NUP98: variants seen among roughly 807,000 people sequenced by gnomAD.
NUP98 encodes the protein nuclear pore complex protein Nup98-Nup96.
Under a neutral mutation model 191.9 loss-of-function variants are expected in NUP98, and 26 were observed. The observed-to-expected ratio is 0.14, with a 90% CI of 0.10 to 0.19. NUP98 has a LOEUF of 0.19. NUP98 is among the 10% of genes least tolerant of loss of function. NUP98 has a pLI of 1.00. For missense variants in NUP98, 1,941 were observed against 2,178.8 expected, an observed-to-expected ratio of 0.89 and a Z score of 2.17; for synonymous variants, 808 against 778.4, an observed-to-expected ratio of 1.04 and a Z score of -0.63.
intron 18 of NUP98, among the ~76,000 whole-genome samples, chr11:3,716,803 GATT>G: frequency 6.6e-6 from 1 of 152,124 alleles, no homozygotes; most frequent in East Asian, 1.9e-4. Flanking sequence ...ATACTGTTTT[GATT>G]ATTATAGATT....
At chr11:3,785,959 C>G (rs1046963811) in intron 1 of NUP98, among the ~76,000 whole-genome samples, 30 of 151,936 alleles carry the variant, frequency 2.0e-4, no homozygotes, top group African/African-American at 7.0e-4. Context: ...CTGGCCCAAG[C>G]TGAAACCCCC....
intron 18 of NUP98, among the ~76,000 whole-genome samples, chr11:3,714,344 C>G: frequency 6.6e-6 from 1 of 151,996 alleles, no homozygotes. Context: ...AAAGGGCTAC[C>G]GTACTAAATA....
rs775126078 is a variant in NUP98, at chr11:3,760,543, G to A, written c.1170C>T (p.Leu390=). Residue 390 remains leucine (L), a synonymous_variant, in exon 10 of 33, where the codon CTC becomes CTT. Coordinates refer to ENST00000324932, the MANE Select transcript of NUP98 (RefSeq NM_016320.5). ...APSFGTTSGG[L]FGFGTNTSGN... is the part of the protein sequence containing the mutation. ...AAGTCAGGGTTGGTTTGTTACCAAAGAGCCCGCCACTGGTTGTACCAAATG... is the reference window on the plus strand; with the variant it reads ...AAGTCAGGGTTGGTTTGTTACCAAAAAGCCCGCCACTGGTTGTACCAAATG... 38 of 1,613,974 alleles carry A rather than the reference G, an allele frequency of 2.4e-5. No homozygotes were observed. Among genetic ancestry groups the A allele is most frequent in the Non-Finnish European group, 3.1e-5 (37 of 1,179,970 alleles).
chr11:3,737,321 C>CAAAAAAAAAA (rs34718372), intron 12 of NUP98, among the ~76,000 whole-genome samples: 1 of 111,960 alleles, frequency 8.9e-6, no homozygotes, highest in Admixed American at 1.1e-4. Context: ...GCAGTAATAA[C>CAAAAAAAAAA]AAAAAAAAAA....
At chr11:3,703,216 C>CTTTTT (rs1310254994) in intron 22 of NUP98, among the ~76,000 whole-genome samples, 1 of 139,152 alleles carries the variant, frequency 7.2e-6, no homozygotes, top group Non-Finnish European at 1.6e-5. Context: ...TCTTCAAAAA[C>CTTTTT]TTTTTTTTTT....
Position 3,782,060 on chromosome 11 carries a change from T to G in NUP98, c.58A>C (p.Thr20Pro), listed in dbSNP as rs775145141. The G allele has an allele frequency of 6.2e-7, 1 of 1,612,816 alleles. No homozygotes were observed. The highest frequency in any genetic ancestry group is 1.1e-5 in the South Asian group (1 of 90,902). Residue 20 changes from threonine (T) to proline (P), a missense_variant, in exon 2 of 33, where the codon ACT (threonine) becomes CCT (proline). Transcript: ENST00000324932. ...FGGGTGGFGT[T>P]STFGQNTGFG... ...AACTTACTCTGTCCAAATGTTGAAGTTGTGCCAAAGCCACCTGTGCCACCC... is the reference window on the plus strand; with the variant it reads ...AACTTACTCTGTCCAAATGTTGAAGGTGTGCCAAAGCCACCTGTGCCACCC...
chr11:3,748,045 A>T (rs2080574656), intron 11 of NUP98, among the ~76,000 whole-genome samples: 1 of 152,236 alleles, frequency 6.6e-6, no homozygotes, highest in African/African-American at 2.4e-5. Flanking sequence ...TAGGAGAGGC[A>T]TGTATAAGGA....
At chr11:3,702,307 ACACACACTCTCTCTCTCT>A (rs1195021038) in intron 23 of NUP98, among the ~76,000 whole-genome samples, 138 bp downstream of exon 23, 33 of 57,886 alleles carry the variant, frequency 5.7e-4, no homozygotes, top group African/African-American at 2.0e-3. Context: ...ACACACACAC[ACACACACTCTCTCTCTCT>A]CTCTCTCTCT....
At chr11:3,749,942 C>T (rs140078814) in intron 11 of NUP98, among the ~76,000 whole-genome samples, 5 of 152,140 alleles carry the variant, frequency 3.3e-5, no homozygotes, top group Non-Finnish European at 5.9e-5. Context: ...CTGAAATATG[C>T]GTATATTCCA....
intron 15 of NUP98, 100 bp from the exon 16 acceptor site, chr11:3,723,555 C>A: frequency 1.1e-6 from 1 of 904,518 alleles, no homozygotes; most frequent in Non-Finnish European, 1.7e-6. Flanking sequence ...TGGCACTGTT[C>A]TGGATAGTTC....
rs74462415 is a variant in NUP98 at position 3,727,590 on chromosome 11, T to C, written c.1731-2371A>G. Among the ~76,000 whole-genome samples, 1,476 of 152,192 alleles carry C rather than the reference T, an allele frequency of 9.7e-3. 31 individuals carry two copies. Among genetic ancestry groups the C allele is most frequent in the African/African-American group, 0.034 (1,431 of 41,524 alleles). On this transcript the variant is annotated intron_variant, in intron 14 of 32. Coordinates refer to ENST00000324932, the MANE Select transcript of NUP98 (RefSeq NM_016320.5). ...AAAGAGAGAGTAAATAAAGGTGGCATGGTGGGTTTCGCTGTAATTTCAGCA... is the reference window on the plus strand; with the variant it reads ...AAAGAGAGAGTAAATAAAGGTGGCACGGTGGGTTTCGCTGTAATTTCAGCA...
chr11:3,688,570 G>GGCCTC (rs2078200645), intron 28 of NUP98, among the ~76,000 whole-genome samples: 1 of 151,316 alleles, frequency 6.6e-6, no homozygotes, highest in African/African-American at 2.4e-5. Context: ...CGAGGCAGGA[G>GGCCTC]GATTACTTGA....
intron 14 of NUP98, among the ~76,000 whole-genome samples, chr11:3,729,848 G>C (rs2079775541): frequency 6.6e-6 from 1 of 151,018 alleles, no homozygotes; most frequent in African/African-American, 2.4e-5. Flanking sequence ...TTGTATATTT[G>C]AAAATCCTAA....
At chr11:3,749,201 G>A (rs1195942046) in intron 11 of NUP98, among the ~76,000 whole-genome samples, 8 of 152,012 alleles carry the variant, frequency 5.3e-5, no homozygotes, top group South Asian at 2.1e-4. Context: ...CCAGCTACTC[G>A]GGAGGCTGAG....
chr11:3,696,963 C>T (rs1479465215), intron 25 of NUP98: 4 of 152,174 alleles, frequency 2.6e-5, no homozygotes, highest in East Asian at 1.9e-4. Context: ...ATCAACAGCC[C>T]TAAGAATCTG....
chr11:3,791,131 G>A (rs2082328263), intron 1 of NUP98, among the ~76,000 whole-genome samples: 1 of 151,958 alleles, frequency 6.6e-6, no homozygotes, highest in Non-Finnish European at 1.5e-5. Context: ...TCCTGACCTT[G>A]TGATCCGCCC....
intron 21 of NUP98, 21 bp from the exon 22 acceptor site, chr11:3,705,377 G>T (rs772430161): frequency 6.2e-7 from 1 of 1,609,312 alleles, no homozygotes. Flanking sequence ...AATATCTATA[G>T]AATGAATGTG....
chr11:3,711,991 G>A (rs763708759), intron 20 of NUP98: 141 of 1,046,698 alleles, frequency 1.3e-4, no homozygotes, highest in Non-Finnish European at 1.5e-4. Flanking sequence ...AAGTAATTGC[G>A]ATAAACAATG....
chr11:3,750,681 G>A (rs2080716535), intron 11 of NUP98, among the ~76,000 whole-genome samples: 1 of 151,890 alleles, frequency 6.6e-6, no homozygotes, highest in African/African-American at 2.4e-5. Context: ...AGGCTGGAGT[G>A]CAGTGGTACT....
Sources: gnomAD v4.1 joint callset for allele counts (sites outside exome capture counted in the v4.1 genomes callset) on GRCh38, gnomAD v4.1.1 for gene constraint, MANE v1.5 for transcripts, NCBI Gene and HGNC (gene_info 2026-07-23, HGNC 2026-07-21) for gene names.